NDUFAF6: variants seen among roughly 807,000 people sequenced by gnomAD.
The protein encoded by NDUFAF6 is NADH:ubiquinone oxidoreductase complex assembly factor 6.
In NDUFAF6, 45 loss-of-function variants were observed where a neutral mutation model predicts 40.8. The observed-to-expected ratio is 1.10, with a 90% CI of 0.87 to 1.42. The LOEUF (loss-of-function observed/expected upper bound fraction) is 1.42. NDUFAF6 is among the 40% of genes most tolerant of loss of function. The probability of loss-of-function intolerance (pLI) is 0.00; values close to 1 mark genes in which losing one functional copy is unlikely to be tolerated. For missense variants in NDUFAF6, 435 were observed against 418.5 expected, an observed-to-expected ratio of 1.04 and a Z score of -0.34; for synonymous variants, 185 against 155.9, an observed-to-expected ratio of 1.19 and a Z score of -1.39.
downstream of NDUFAF6, among the ~76,000 whole-genome samples, chr8:95,107,477 G>A (rs1027184550): frequency 8.5e-5 from 13 of 152,084 alleles, no homozygotes; most frequent in African/African-American, 2.4e-4. Flanking sequence ...GGGGCCTGTC[G>A]GAGGGGTAGG....
downstream of NDUFAF6, chr8:95,078,662 A>AAAAAAAAATATATATATATATATATAT (rs545018367): frequency 4.5e-4 from 55 of 121,008 alleles, no homozygotes; most frequent in African/African-American, 1.8e-3. Context: ...AAAAAAAAAA[A>AAAAAAAAATATATATATATATATATAT]ATATATATAT....
At chr8:95,052,299 A>G (rs1274315308) in intron 8 of NDUFAF6, 69 bp downstream of exon 8, 4 of 1,525,930 alleles carry the variant, frequency 2.6e-6, no homozygotes, top group Non-Finnish European at 1.8e-6. Context: ...TTTATATTTT[A>G]TAAAGTTCCC....
chr8:95,048,526 A>G lies in NDUFAF6; in HGVS notation c.784A>G (p.Ile262Val). Residue 262 changes from isoleucine to valine, a missense_variant, in exon 7 of 9, where the codon ATT becomes GTT. Physicochemically the swap from Ile to Val is conservative, Grantham distance 29 (BLOSUM62 3). Transcript: ENST00000396124. ...DKNVRDVIYD[I>V]ASQAHLHLKH... ...AAATGTGAGAGATGTAATATATGACATTGCCAGTCAAGCACACTTGCACCT... is the reference window on the plus strand; with the variant it reads ...AAATGTGAGAGATGTAATATATGACGTTGCCAGTCAAGCACACTTGCACCT... 1 of 1,614,164 alleles carries G rather than the reference A, an allele frequency of 6.2e-7. No individual in the cohort carries two copies. The highest frequency in any genetic ancestry group is 8.5e-7 in the Non-Finnish European group (1 of 1,180,002).
rs1369578696 is a variant in NDUFAF6 at position 95,058,156 on chromosome 8, GTGTC to G, written c.*222_*225del. On this transcript the variant is annotated 3_prime_UTR_variant, in exon 9 of 9. Coordinates refer to ENST00000396124, the MANE Select transcript of NDUFAF6 (RefSeq NM_152416.4). ...GCCATTGGCACCCCTGGCCCAGACA[GTGTC>G]TGCTGTGCTGTCCCTGGAAGCTGGA... The G allele has an allele frequency of 2.8e-6, 4 of 1,440,512 alleles. No individual in the cohort carries two copies. The highest frequency in any genetic ancestry group is 3.6e-6 in the Non-Finnish European group (4 of 1,107,732). 89.2% of individuals were successfully genotyped at this position (1,440,512 alleles called of 1,614,324 possible).
At chr8:95,055,126 G>GTATTT (rs1382655887) in intron 8 of NDUFAF6, 1 of 152,032 alleles carries the variant, frequency 6.6e-6, no homozygotes, top group Admixed American at 6.6e-5. Context: ...TATTTTAATG[G>GTATTT]AATTTTCTCC....
intron 1 of NDUFAF6, among the ~76,000 whole-genome samples, chr8:94,911,687 G>A (rs1218528605): frequency 2.0e-5 from 3 of 152,250 alleles, no homozygotes; most frequent in Non-Finnish European, 2.9e-5. Context: ...ACCCAGCTGA[G>A]AAGCAGGAAG....
upstream of NDUFAF6, among the ~76,000 whole-genome samples, chr8:95,096,458 A>G (rs1303970352): frequency 6.6e-6 from 1 of 152,228 alleles, no homozygotes; most frequent in Non-Finnish European, 1.5e-5. Flanking sequence ...AGTGACAAAA[A>G]TGAATGGGGG....
chr8:94,993,460 T>C (rs757262249), intron 2 of NDUFAF6, among the ~76,000 whole-genome samples: 18 of 152,202 alleles, frequency 1.2e-4, no homozygotes, highest in Non-Finnish European at 2.5e-4. Context: ...ATTTGACCAA[T>C]AGAATGTGGC....
At chr8:95,032,204 GTC>G (rs1828936644) in intron 2 of NDUFAF6, 110 bp downstream of exon 2, 2 of 908,816 alleles carry the variant, frequency 2.2e-6, no homozygotes, top group East Asian at 5.2e-5. Context: ...TGTGTTTAAG[GTC>G]TCTGCTAGTG....
At chr8:95,070,110 G>A (rs1041791138) in intron 9 of NDUFAF6, among the ~76,000 whole-genome samples, 15 of 151,958 alleles carry the variant, frequency 9.9e-5, no homozygotes, top group Admixed American at 9.8e-4. Context: ...CCTTTTTTGA[G>A]AGGCATAGCA....
chr8:94,982,657 G>C (rs1051156612), intron 2 of NDUFAF6, among the ~76,000 whole-genome samples: 6 of 152,166 alleles, frequency 3.9e-5, no homozygotes, highest in Admixed American at 3.3e-4. Context: ...TATGAGGCAG[G>C]CACCCTCCCA....
chr8:94,919,779 G>A (rs1382649928), intron 1 of NDUFAF6, among the ~76,000 whole-genome samples: 1 of 152,194 alleles, frequency 6.6e-6, no homozygotes, highest in Non-Finnish European at 1.5e-5. Flanking sequence ...TCTCAATGCT[G>A]ACCTGAAAGT....
At chr8:94,974,262 C>A (rs1383971177) in intron 1 of NDUFAF6, among the ~76,000 whole-genome samples, 5 of 148,446 alleles carry the variant, frequency 3.4e-5, no homozygotes, top group Middle Eastern at 3.2e-3. Flanking sequence ...AAAAAAAAAA[C>A]CACAGTAAAA....
intron 1 of NDUFAF6, among the ~76,000 whole-genome samples, chr8:94,922,724 C>A (rs1819589098): frequency 6.6e-6 from 1 of 152,158 alleles, no homozygotes; most frequent in Non-Finnish European, 1.5e-5. Flanking sequence ...GGTGATCCAC[C>A]CACCTCGGCC....
At chr8:95,030,450 G>A (rs1165412909) in intron 1 of NDUFAF6, among the ~76,000 whole-genome samples, 1 of 152,018 alleles carries the variant, frequency 6.6e-6, no homozygotes, top group East Asian at 1.9e-4. Flanking sequence ...GTCCAGGCTG[G>A]TCTTGAACTC....
chr8:95,012,260 A>AC (rs1475285828), intron 2 of NDUFAF6, among the ~76,000 whole-genome samples: 21 of 152,086 alleles, frequency 1.4e-4, no homozygotes, highest in African/African-American at 5.1e-4. Flanking sequence ...TTGTCTTCTT[A>AC]CTGCTTTGTA....
At chr8:95,107,033 G>T (rs1181976280), downstream of NDUFAF6, among the ~76,000 whole-genome samples, 3 of 152,366 alleles carry the variant, frequency 2.0e-5, no homozygotes, top group Non-Finnish European at 4.4e-5. Context: ...TACACTGTTG[G>T]TGGGAGTATA....
chr8:94,977,599 TCTC>T, intron 1 of NDUFAF6, among the ~76,000 whole-genome samples: 1 of 20,342 alleles, frequency 4.9e-5, no homozygotes, highest in Non-Finnish European at 1.6e-4. Flanking sequence ...CCTGCTGGGT[TCTC>T]TCTCTCTCTC....
chr8:95,083,473 CT>C (rs1484430725), intron 2 of NDUFAF6, among the ~76,000 whole-genome samples: 4 of 152,192 alleles, frequency 2.6e-5, no homozygotes, highest in Admixed American at 1.3e-4. Context: ...AATTTTAGCA[CT>C]TTTCACATGC....
Sources: gnomAD v4.1 joint callset for allele counts (sites outside exome capture counted in the v4.1 genomes callset) on GRCh38, gnomAD v4.1.1 for gene constraint, MANE v1.5 for transcripts, NCBI Gene and HGNC (gene_info 2026-07-23, HGNC 2026-07-21) for gene names.